Variants in TARBP1 observed in about 807,000 individuals in gnomAD.
The protein encoded by TARBP1 is tRNA guanosine 2 -O-methyltransferase TARBP1, also known as tRNA (guanosine(18)-2'-O)-methyltransferase TARBP1.
Under a neutral mutation model 178.6 loss-of-function variants are expected in TARBP1, and 144 were observed. The observed-to-expected ratio is 0.81, with a 90% confidence interval of 0.70 to 0.93. The LOEUF is 0.93. TARBP1 is among the 40% of genes least tolerant of loss of function. TARBP1 has a pLI of 0.00. For synonymous variants in TARBP1, 787 were observed against 781.0 expected (o/e 1.01, Z -0.13); for missense variants, 2,067 against 2,011.7 (o/e 1.03, Z -0.53).
In TARBP1 at chr1:234,478,693, G is replaced by A. The variant is rs1361405725; in HGVS notation, c.411C>T (p.Ala137=). 3.3e-6 allele frequency: 4 copies of A among 1,216,556 alleles called. No individual in the cohort carries two copies. Among genetic ancestry groups the A allele is most frequent in the East Asian group, 3.7e-5 (1 of 27,334 alleles). 75.4% of individuals were successfully genotyped at this position (1,216,556 alleles called of 1,614,324 possible). The stretch of plus-strand genomic sequence containing the variant: ...CTGCTAGCACTTCCACGGCAGCCTC[G>A]GCGCCAGGCGCGCGCCACCCGGCGA... ...DLLAGWRAPG[A]EAAVEVLAAV... is the part of the protein sequence containing the mutation. Residue 137 remains alanine, a synonymous_variant, in exon 1 of 30, where the codon GCC becomes GCT. Coordinates refer to ENST00000040877, the MANE Select transcript of TARBP1 (RefSeq NM_005646.4).
intron 29 of TARBP1, 96 bp from the exon 30 acceptor site, chr1:234,391,841 T>C: frequency 7.9e-7 from 1 of 1,261,746 alleles, no homozygotes; most frequent in Non-Finnish European, 1.1e-6. Context: ...CTTATTTTTC[T>C]CTTTGATATT....
chr1:234,474,283 C>T (rs1008589169), intron 1 of TARBP1, among the ~76,000 whole-genome samples: 14 of 131,842 alleles, frequency 1.1e-4, no homozygotes, highest in African/African-American at 3.5e-4. Context: ...CACACACACA[C>T]ACACAAAGGG....
intron 2 of TARBP1, among the ~76,000 whole-genome samples, chr1:234,472,325 T>C: frequency 1.4e-5 from 1 of 71,818 alleles, no homozygotes; most frequent in Non-Finnish European, 2.4e-5. Flanking sequence ...CAAGACTCTG[T>C]CTCCAAAAAA....
At chr1:234,473,312 G>A (rs75771213) in intron 1 of TARBP1, among the ~76,000 whole-genome samples, 354 of 152,296 alleles carry the variant, frequency 2.3e-3, no homozygotes, top group Non-Finnish European at 3.0e-3. Flanking sequence ...TGAAAAGTGA[G>A]GCTAAACCAA....
intron 12 of TARBP1, among the ~76,000 whole-genome samples, chr1:234,439,858 A>C (rs12090512): frequency 0.095 from 14,423 of 152,182 alleles, 835 homozygotes; most frequent in East Asian, 0.23. Flanking sequence ...ATAAATAGAA[A>C]ATCAGCAAGG....
chr1:234,475,769 C>T (rs12142991), intron 1 of TARBP1, among the ~76,000 whole-genome samples: 8,685 of 152,274 alleles, frequency 0.057, 462 homozygotes, highest in African/African-American at 0.13. Flanking sequence ...GAGGGAGGGA[C>T]GAAGCCTTGG....
At chr1:234,456,302 G>A (rs1013982612) in intron 9 of TARBP1, among the ~76,000 whole-genome samples, 1 of 152,224 alleles carries the variant, frequency 6.6e-6, no homozygotes, top group Non-Finnish European at 1.5e-5. Context: ...CCGGATTCAA[G>A]CAATTCTCCT....
intron 10 of TARBP1, among the ~76,000 whole-genome samples, chr1:234,449,350 T>G (rs1666506580): frequency 6.6e-6 from 1 of 152,200 alleles, no homozygotes; most frequent in African/African-American, 2.4e-5. Flanking sequence ...CTAGGTACCA[T>G]GTGGAAAAGA....
chr1:234,472,064 C>A (rs977894028), intron 2 of TARBP1, among the ~76,000 whole-genome samples: 1 of 152,080 alleles, frequency 6.6e-6, no homozygotes. Context: ...TGGACGGGTG[C>A]GGTGGCTCAC....
At position 234,478,851 on chromosome 1, in the gene TARBP1, CCGGGCCGCCCG is replaced by C. The variant is rs1481394009; in HGVS notation, c.242_252del (p.Ala81GlyfsTer38). ...CGGTGGCGAGGCTGCAGACTGGGGT[CCGGGCCGCCCG>C]CGGGGCGTCCGCGCAGGCTCCGCAG... On this transcript the variant is annotated frameshift_variant, in exon 1 of 30. Coordinates refer to ENST00000040877, the MANE Select transcript of TARBP1 (RefSeq NM_005646.4). LOFTEE classifies it high-confidence loss of function. 7.9e-7 allele frequency: 1 copy of C among 1,259,356 alleles called. No individual in the cohort carries two copies. Among genetic ancestry groups the C allele is most frequent in the Non-Finnish European group, 9.9e-7 (1 of 1,005,970 alleles). 78.0% of individuals were successfully genotyped at this position (1,259,356 alleles called of 1,614,324 possible).
At chr1:234,417,284 G>C (rs1662532822) in intron 22 of TARBP1, among the ~76,000 whole-genome samples, 2 of 152,190 alleles carry the variant, frequency 1.3e-5, no homozygotes, top group South Asian at 4.1e-4. Flanking sequence ...AACAGAACAA[G>C]CGTGAAGAAT....
chr1:234,439,255 T>C (rs12141162), intron 12 of TARBP1, among the ~76,000 whole-genome samples: 1,698 of 152,308 alleles, frequency 0.011, 12 homozygotes, highest in Non-Finnish European at 0.016. Context: ...TCTTTAAAAT[T>C]TGTTTGTTGG....
intron 13 of TARBP1, among the ~76,000 whole-genome samples, chr1:234,435,351 G>A (rs947606653): frequency 1.3e-5 from 2 of 151,012 alleles, no homozygotes; most frequent in African/African-American, 4.9e-5. Context: ...CAGGCGCGGT[G>A]GCGCACGCCT....
At chr1:234,406,379 G>C in intron 23 of TARBP1, 1 of 378,372 alleles carries the variant, frequency 2.6e-6, no homozygotes, top group Non-Finnish European at 4.8e-6. Flanking sequence ...GAGTTAACTT[G>C]AAAAAAGTAT....
chr1:234,403,956 G>A (rs1169936835), intron 24 of TARBP1, among the ~76,000 whole-genome samples: 2 of 152,136 alleles, frequency 1.3e-5, no homozygotes, highest in African/African-American at 4.8e-5. Context: ...CCAAAGTGCT[G>A]GGATTATAGG....
At chr1:234,392,710 T>C (rs1659508663) in intron 28 of TARBP1, 158 bp from the exon 29 acceptor site, 2 of 538,262 alleles carry the variant, frequency 3.7e-6, no homozygotes, top group Non-Finnish European at 5.9e-6. Context: ...ATGACATCAA[T>C]TTCTTTTTTT....
intron 15 of TARBP1, 151 bp downstream of exon 15, chr1:234,429,936 A>G: frequency 5.6e-6 from 5 of 885,600 alleles, no homozygotes; most frequent in Non-Finnish European, 7.0e-6. Context: ...GCAAGTCTCC[A>G]GTAACAGAGA....
At chr1:234,452,587 G>T (rs1577331) in intron 9 of TARBP1, among the ~76,000 whole-genome samples, 1 of 152,136 alleles carries the variant, frequency 6.6e-6, no homozygotes, top group South Asian at 2.1e-4. Context: ...GAGAATGTGG[G>T]GCAGTAAGAA....
chr1:234,447,397 T>TTTTTTTTTTC (rs1666303601), intron 11 of TARBP1, among the ~76,000 whole-genome samples: 2 of 142,866 alleles, frequency 1.4e-5, no homozygotes, highest in African/African-American at 5.3e-5. Flanking sequence ...TAACCAACTT[T>TTTTTTTTTTC]TTTTTTTTTT....
Sources: gnomAD v4.1 joint callset for allele counts (sites outside exome capture counted in the v4.1 genomes callset) on GRCh38, gnomAD v4.1.1 for gene constraint, MANE v1.5 for transcripts, NCBI Gene and HGNC (gene_info 2026-07-23, HGNC 2026-07-21) for gene names.